PRKCQ: variants seen among roughly 807,000 people sequenced by gnomAD.
PRKCQ encodes protein kinase C theta, also known as protein kinase C theta type.
A neutral mutation model predicts 91.2 loss-of-function variants in PRKCQ; 41 were observed. That is an observed-to-expected ratio of 0.45 (90% confidence interval 0.35 to 0.58). PRKCQ has a LOEUF of 0.58. Ranked by LOEUF, PRKCQ falls within the 20% of genes least tolerant of loss-of-function variation. PRKCQ has a pLI of 0.00. For missense variants in PRKCQ, 673 were observed against 896.5 expected (o/e 0.75, Z 3.18); for synonymous variants, 307 against 316.9 (o/e 0.97, Z 0.33).
At chr10:6,551,639 G>A (rs796506433) in intron 1 of PRKCQ, among the ~76,000 whole-genome samples, 9 of 152,124 alleles carry the variant, frequency 5.9e-5, no homozygotes, top group African/African-American at 1.9e-4. Context: ...CTTGTGATCC[G>A]CCTGCCTCGG....
intron 2 of PRKCQ, chr10:6,512,026 T>A (rs1178099528): frequency 6.6e-6 from 1 of 152,238 alleles, no homozygotes; most frequent in Non-Finnish European, 1.5e-5. Context: ...GTAGTGTTGA[T>A]CCTATGACTG....
chr10:6,514,571 T>C (rs566385615), intron 2 of PRKCQ, among the ~76,000 whole-genome samples: 1 of 152,318 alleles, frequency 6.6e-6, no homozygotes, highest in Admixed American at 6.5e-5. Flanking sequence ...TATAGATGCT[T>C]TGTAATATCC....
chr10:6,485,069 A>T, intron 10 of PRKCQ, 83 bp downstream of exon 10: 1 of 1,232,354 alleles, frequency 8.1e-7, no homozygotes, highest in South Asian at 1.3e-5. Context: ...AGGTAAGCTG[A>T]TAACTTAAAT....
intron 16 of PRKCQ, among the ~76,000 whole-genome samples, chr10:6,439,328 T>G (rs1833854059): frequency 6.6e-6 from 1 of 152,220 alleles, no homozygotes; most frequent in African/African-American, 2.4e-5. Context: ...GCCTGTACTC[T>G]CAGAGTTTGT....
chr10:6,453,408 A>G (rs1306267135), intron 15 of PRKCQ, among the ~76,000 whole-genome samples: 8 of 152,254 alleles, frequency 5.3e-5, no homozygotes, highest in Non-Finnish European at 1.0e-4. Flanking sequence ...ATCATTAAAA[A>G]GTCAGGAAAC....
At chr10:6,440,898 G>A (rs1833937205) in intron 16 of PRKCQ, among the ~76,000 whole-genome samples, 1 of 152,204 alleles carries the variant, frequency 6.6e-6, no homozygotes, top group African/African-American at 2.4e-5. Flanking sequence ...TGAGGCAGGA[G>A]AATCGCTTTA....
At chr10:6,481,668 T>C (rs1402387384) in intron 11 of PRKCQ, among the ~76,000 whole-genome samples, 2 of 152,218 alleles carry the variant, frequency 1.3e-5, no homozygotes, top group African/African-American at 4.8e-5. Flanking sequence ...GACCGCTCAG[T>C]TGCATTTTAG....
chr10:6,471,165 CT>C (rs551310692), intron 12 of PRKCQ, among the ~76,000 whole-genome samples: 176 of 152,280 alleles, frequency 1.2e-3, no homozygotes, highest in Non-Finnish European at 1.8e-3. Context: ...CCGCTCCCCC[CT>C]GTGCCCAGCC....
At chr10:6,500,970 A>C (rs1274202371) in intron 4 of PRKCQ, among the ~76,000 whole-genome samples, 1 of 152,216 alleles carries the variant, frequency 6.6e-6, no homozygotes, top group Non-Finnish European at 1.5e-5. Flanking sequence ...CATATTTTTT[A>C]GGAGGTAGGA....
intron 1 of PRKCQ, among the ~76,000 whole-genome samples, chr10:6,560,570 C>G (rs1037514510): frequency 6.6e-6 from 1 of 152,150 alleles, no homozygotes; most frequent in Non-Finnish European, 1.5e-5. Context: ...ATATGCTGCA[C>G]TTCGTGGCTA....
intron 1 of PRKCQ, among the ~76,000 whole-genome samples, chr10:6,519,406 G>A (rs577671178): frequency 2.0e-5 from 3 of 152,246 alleles, no homozygotes; most frequent in African/African-American, 7.2e-5. Flanking sequence ...AAGTTACCCA[G>A]GGGTCGAGGA....
At chr10:6,440,965 G>T (rs557818495) in intron 16 of PRKCQ, among the ~76,000 whole-genome samples, 1 of 152,304 alleles carries the variant, frequency 6.6e-6, no homozygotes, top group African/African-American at 2.4e-5. Context: ...TGCAGCCTGG[G>T]TGAGGGAGTG....
chr10:6,416,926 A>G, the PRKCQ span, among the ~76,000 whole-genome samples: 9 of 152,208 alleles, frequency 5.9e-5, no homozygotes, highest in Admixed American at 5.2e-4. Context: ...GTAAGGTGGT[A>G]TGATTCTTCT....
chr10:6,462,308 G>A lies in PRKCQ; in HGVS notation c.1503C>T (p.Val501=), dbSNP rs1335479749. The A allele has an allele frequency of 1.2e-6, 2 of 1,613,474 alleles. No homozygotes were observed. The highest frequency in any genetic ancestry group is 1.1e-5 in the South Asian group (1 of 90,980). The change falls in exon 14 of 18, where the codon GTC becomes GTT. Residue 501 remains valine, a synonymous_variant. Transcript: ENST00000263125. The part of the protein sequence containing the change: ...GLQFLHSKGI[V]YRDLKLDNIL... ...TTCCACAAAGCAAAATTTACCTGTA[G>A]ACTATTCCTTTGGAATGAAGGAACT...
Position 6,453,140 on chromosome 10 carries a change from T to C in PRKCQ, c.1647+3534A>G, listed in dbSNP as rs1461258075. 5.0e-4 allele frequency among the ~76,000 whole-genome samples: 75 copies of C among 150,194 alleles called. 2 individuals carry two copies. Among genetic ancestry groups the C allele is most frequent in the South Asian group, 6.3e-4 (3 of 4,760 alleles). On this transcript the variant is annotated intron_variant, in intron 15 of 17. Coordinates refer to ENST00000263125, the MANE Select transcript of PRKCQ (RefSeq NM_006257.5). Reference sequence around the variant, plus strand: ...CTACCATCAGAGTGAACAGGCAACCTACAAAATGGGAGAAAATTTTCGCAA... The same window carrying C: ...CTACCATCAGAGTGAACAGGCAACCCACAAAATGGGAGAAAATTTTCGCAA...
At chr10:6,414,051 G>T in the PRKCQ span, among the ~76,000 whole-genome samples, 1 of 152,170 alleles carries the variant, frequency 6.6e-6, no homozygotes, top group Non-Finnish European at 1.5e-5. Context: ...CCCCAAGATT[G>T]TAGCACTTTC....
intron 4 of PRKCQ, among the ~76,000 whole-genome samples, chr10:6,504,789 C>G (rs549562620): frequency 1.6e-3 from 238 of 152,102 alleles, no homozygotes; most frequent in Non-Finnish European, 8.7e-4. Context: ...TTAGGTTATT[C>G]CATAACTTTG....
the PRKCQ span, among the ~76,000 whole-genome samples, chr10:6,413,065 G>GCCTCAGC: frequency 2.6e-5 from 4 of 152,110 alleles, no homozygotes; most frequent in East Asian, 7.7e-4. Flanking sequence ...CCATTCTCCT[G>GCCTCAGC]CCTCAGCCTC....
At chr10:6,419,586 A>G in the PRKCQ span, among the ~76,000 whole-genome samples, 1 of 152,138 alleles carries the variant, frequency 6.6e-6, no homozygotes, top group Non-Finnish European at 1.5e-5. Context: ...GCATTTCTGG[A>G]CAAAGTATTC....
Sources: allele counts gnomAD v4.1 joint callset (sites outside exome capture counted in the v4.1 genomes callset), GRCh38; gene constraint gnomAD v4.1.1; transcripts MANE v1.5; gene names NCBI Gene and HGNC (gene_info 2026-07-23, HGNC 2026-07-21).